The following PIBF1 variants were observed in gnomAD, a reference collection of about 807,000 sequenced individuals.
PIBF1 encodes the protein progesterone-induced-blocking factor 1.
A neutral mutation model predicts 112.5 loss-of-function variants in PIBF1; 90 were observed. That is an observed-to-expected ratio of 0.80 (90% confidence interval 0.67 to 0.95). The LOEUF (loss-of-function observed/expected upper bound fraction) is 0.95. PIBF1 is among the 40% of genes least tolerant of loss of function. The probability of loss-of-function intolerance (pLI) is 0.00; values close to 1 mark genes in which losing one functional copy is unlikely to be tolerated. For missense variants in PIBF1, 915 were observed against 852.3 expected, an observed-to-expected ratio of 1.07 and a Z score of -0.92; for synonymous variants, 301 against 288.6, an observed-to-expected ratio of 1.04 and a Z score of -0.44.
intron 14 of PIBF1, among the ~76,000 whole-genome samples, chr13:72,946,275 G>C (rs1398450594): frequency 6.6e-6 from 1 of 152,070 alleles, no homozygotes; most frequent in East Asian, 1.9e-4. Context: ...AAAACCATCA[G>C]ACCTTGTGAG....
rs144389509 is a variant in PIBF1 at position 72,926,561 on chromosome 13, C to T, written c.1731-4604C>T. Among the ~76,000 whole-genome samples the T allele has an allele frequency of 6.4e-4, 98 of 152,264 alleles. 2 individuals are homozygous for T. Among genetic ancestry groups the T allele is most frequent in the African/African-American group, 2.2e-3 (90 of 41,566 alleles). On this transcript the variant is annotated intron_variant, in intron 13 of 17. Coordinates refer to ENST00000326291, the MANE Select transcript of PIBF1 (RefSeq NM_006346.4). Reference sequence around the variant, plus strand: ...CTGATAGAGCACTCTTTCTAAAGTGCGGGCCAGATCGTGTTATGTCTAACC... The same window carrying T: ...CTGATAGAGCACTCTTTCTAAAGTGTGGGCCAGATCGTGTTATGTCTAACC...
chr13:72,897,308 A>G (rs984714582), intron 11 of PIBF1, among the ~76,000 whole-genome samples: 1 of 152,238 alleles, frequency 6.6e-6, no homozygotes, highest in East Asian at 1.9e-4. Context: ...GGAGCTCTAA[A>G]TCTTGAAACA....
At chr13:73,006,942 A>G (rs2044049564) in intron 17 of PIBF1, among the ~76,000 whole-genome samples, 1 of 152,006 alleles carries the variant, frequency 6.6e-6, no homozygotes, top group Admixed American at 6.6e-5. Context: ...TCTGGAATAT[A>G]GTATACTTTA....
chr13:72,931,159 G>GC lies in PIBF1; in HGVS notation c.1731-4dup. ...AAGCATTAATTTTCTTATTTCATTT[G>GC]CCTAGTGTTCACTTGGCAAGAAGAG... On this transcript the variant is annotated splice_region_variant and splice_polypyrimidine_tract_variant and intron_variant, in intron 13 of 17. Coordinates refer to ENST00000326291, the MANE Select transcript of PIBF1 (RefSeq NM_006346.4). 1 of 1,567,652 alleles carries GC rather than the reference G, an allele frequency of 6.4e-7. No individual in the cohort carries two copies. Among genetic ancestry groups the GC allele is most frequent in the Non-Finnish European group, 8.8e-7 (1 of 1,142,088 alleles).
chr13:72,950,818 T>C (rs2042274675), intron 14 of PIBF1, among the ~76,000 whole-genome samples: 1 of 152,176 alleles, frequency 6.6e-6, no homozygotes, highest in African/African-American at 2.4e-5. Context: ...AGATTTTTTG[T>C]CAAGTGAAAT....
At chr13:72,839,941 C>T (rs1436361704) in intron 9 of PIBF1, among the ~76,000 whole-genome samples, 1 of 152,076 alleles carries the variant, frequency 6.6e-6, no homozygotes, top group East Asian at 1.9e-4. Flanking sequence ...CAGGGGATTC[C>T]TGGGATTGGG....
chr13:72,910,923 C>T (rs1019560520), intron 12 of PIBF1, among the ~76,000 whole-genome samples: 1 of 152,166 alleles, frequency 6.6e-6, no homozygotes, highest in Non-Finnish European at 1.5e-5. Context: ...ATTGTGAATT[C>T]TATCAATTCA....
chr13:72,933,148 G>C (rs2041763559), intron 14 of PIBF1, among the ~76,000 whole-genome samples: 1 of 152,150 alleles, frequency 6.6e-6, no homozygotes, highest in African/African-American at 2.4e-5. Context: ...CCCTCATGTT[G>C]CCTTTAATTT....
chr13:72,848,969 T>A (rs1403443583), intron 9 of PIBF1, among the ~76,000 whole-genome samples: 3 of 152,360 alleles, frequency 2.0e-5, no homozygotes, highest in African/African-American at 7.2e-5. Context: ...AGCACCCTCT[T>A]TTATTCTAAA....
At chr13:72,872,747 T>C (rs1937763) in intron 10 of PIBF1, among the ~76,000 whole-genome samples, 113,196 of 152,096 alleles carry the variant, frequency 0.74, 42,510 homozygotes, top group African/African-American at 0.82. Flanking sequence ...AGCAAGATTA[T>C]AGGATACAAG....
intron 3 of PIBF1, among the ~76,000 whole-genome samples, chr13:72,794,278 G>A (rs938638993): frequency 6.6e-6 from 1 of 152,136 alleles, no homozygotes; most frequent in Admixed American, 6.5e-5. Flanking sequence ...GGGTTTAAGA[G>A]GAAAGGATTT....
chr13:72,848,041 A>G (rs2037950629), intron 9 of PIBF1, among the ~76,000 whole-genome samples: 1 of 152,258 alleles, frequency 6.6e-6, no homozygotes. Flanking sequence ...ATATTTTTAC[A>G]TGAAGACAGA....
At chr13:72,855,996 T>G (rs2038407154) in intron 10 of PIBF1, among the ~76,000 whole-genome samples, 1 of 152,188 alleles carries the variant, frequency 6.6e-6, no homozygotes, top group Admixed American at 6.5e-5. Flanking sequence ...TTTGTAAAGT[T>G]GGAGAGAATA....
chr13:72,795,234 A>G (rs2035131501), intron 3 of PIBF1, 125 bp from the exon 4 acceptor site: 1 of 649,642 alleles, frequency 1.5e-6, no homozygotes, highest in Non-Finnish European at 2.7e-6. Context: ...ATTTAGCTGG[A>G]GTAAGTAAAT....
Position 72,792,870 on chromosome 13 carries a change from C to T in PIBF1, c.353+323C>T, listed in dbSNP as rs376462291. On this transcript the variant is annotated intron_variant, in intron 3 of 17. Transcript: ENST00000326291. ...TGATTCTCATGACCCATTGGACTTT[C>T]CTGGCCTGAAGTACTTTCTATTATT... 7.2e-5 allele frequency among the ~76,000 whole-genome samples: 11 copies of T among 152,304 alleles called. No homozygotes were observed. In the East Asian group the frequency reaches 1.2e-3, roughly 16 times the overall value.
chr13:72,798,172 G>T, intron 5 of PIBF1, 146 bp downstream of exon 5: 1 of 745,366 alleles, frequency 1.3e-6, no homozygotes, highest in South Asian at 3.1e-5. Context: ...ATGGGAAGGA[G>T]GTTAAATTGG....
intron 16 of PIBF1, among the ~76,000 whole-genome samples, chr13:72,975,362 A>G (rs1318588037): frequency 6.6e-6 from 1 of 152,174 alleles, no homozygotes; most frequent in African/African-American, 2.4e-5. Flanking sequence ...ACCAGAAAAC[A>G]AAACATTTAA....
rs368456233 is a variant in PIBF1, at chr13:72,801,286, A to AT, written c.672+3270dup. Among the ~76,000 whole-genome samples the AT allele has an allele frequency of 8.8e-3, 1,325 of 150,386 alleles. 64 individuals are homozygous for AT. The highest frequency in any genetic ancestry group is 9.7e-3 in the East Asian group (50 of 5,136). On this transcript the variant is annotated intron_variant, in intron 5 of 17. Coordinates refer to ENST00000326291, the MANE Select transcript of PIBF1 (RefSeq NM_006346.4). ...ACTGTGTAGGTTTATTTACACATAG[A>AT]TTTTTTTTTTCAGTAGATATACTGG... is the stretch of plus-strand genomic sequence containing the variant.
intron 2 of PIBF1, among the ~76,000 whole-genome samples, chr13:72,790,421 T>TCA (rs57599910): frequency 0.2 from 26,585 of 135,308 alleles, 2,908 homozygotes; most frequent in African/African-American, 0.3. Context: ...GAGGAGTCCA[T>TCA]CACACACACA....
Sources: gnomAD v4.1 joint callset for allele counts (sites outside exome capture counted in the v4.1 genomes callset) on GRCh38, gnomAD v4.1.1 for gene constraint, MANE v1.5 for transcripts, NCBI Gene and HGNC (gene_info 2026-07-23, HGNC 2026-07-21) for gene names.